The following CFHR4 variants were observed in gnomAD, a reference collection of about 807,000 sequenced individuals.
CFHR4 encodes complement factor H related 4, also known as complement factor H-related protein 4.
A neutral mutation model predicts 69.3 loss-of-function variants in CFHR4; 64 were observed. That is an observed-to-expected ratio of 0.92 (90% CI 0.76 to 1.14). The LOEUF (loss-of-function observed/expected upper bound fraction) is 1.14. CFHR4 is among the 50% of genes most tolerant of loss of function. CFHR4 has a pLI of 0.00. For missense variants in CFHR4, 636 were observed against 684.9 expected, an observed-to-expected ratio of 0.93 and a Z score of 0.80; for synonymous variants, 244 against 237.0, an observed-to-expected ratio of 1.03 and a Z score of -0.27.
chr1:196,888,732 T>C (rs1656864186), intron 1 of CFHR4, among the ~76,000 whole-genome samples: 1 of 151,398 alleles, frequency 6.6e-6, no homozygotes, highest in African/African-American at 2.4e-5. Context: ...AATTTAATAT[T>C]TCAACAAGAT....
chr1:196,894,901 C>CAACAACAAT (rs1327445887), intron 1 of CFHR4, among the ~76,000 whole-genome samples: 3 of 150,722 alleles, frequency 2.0e-5, no homozygotes, highest in African/African-American at 7.4e-5. Context: ...ACAACAACAA[C>CAACAACAAT]AACAACAAAT....
chr1:196,908,965 TTATG>T (rs1658080787), intron 5 of CFHR4, among the ~76,000 whole-genome samples: 1 of 151,568 alleles, frequency 6.6e-6, no homozygotes, highest in South Asian at 2.1e-4. Flanking sequence ...TTGTCCCTAT[TTATG>T]TATCCACTTC....
Position 196,907,447 on chromosome 1 carries a change from A to C in CFHR4, c.748A>C (p.Lys250Gln), listed in dbSNP as rs1423004785. The C allele has an allele frequency of 2.5e-6, 4 of 1,612,252 alleles. No homozygotes were observed. Among genetic ancestry groups the C allele is most frequent in the Non-Finnish European group, 3.4e-6 (4 of 1,179,186 alleles). The stretch of plus-strand genomic sequence containing the variant: ...GTCCTACTATGAACTTCAGGGTTCT[A>C]AATATGTAACATGTAGTAATGGAGA... ...CQSYYELQGS[K>Q]YVTCSNGDWS... Residue 250 changes from lysine (K) to glutamine (Q), a missense_variant, in exon 5 of 10, where the codon AAA becomes CAA. By Grantham distance (53) the Lys-to-Gln change is moderately conservative. Coordinates refer to ENST00000608469, the MANE Select transcript of CFHR4 (RefSeq NM_001201550.3).
chr1:196,892,403 T>C (rs1373035287), intron 1 of CFHR4, among the ~76,000 whole-genome samples: 2 of 151,686 alleles, frequency 1.3e-5, no homozygotes, highest in East Asian at 3.9e-4. Context: ...CAGGGTTTTT[T>C]TGTGCCTGTT....
chr1:196,907,464 T>C lies in CFHR4; in HGVS notation c.765T>C (p.Ser255=). The C allele has an allele frequency of 3.7e-6, 6 of 1,612,058 alleles. 1 individual carries two copies. Among genetic ancestry groups the C allele is most frequent in the Non-Finnish European group, 5.1e-6 (6 of 1,179,050 alleles). The stretch of plus-strand genomic sequence containing the variant: ...AGGGTTCTAAATATGTAACATGTAG[T>C]AATGGAGACTGGTCAGAACCACCAA... ...ELQGSKYVTC[S]NGDWSEPPRC... The change falls in exon 5 of 10, where the codon AGT becomes AGC. Residue 255 remains serine, a synonymous_variant. Transcript: ENST00000608469.
chr1:196,906,514 A>G (rs1036945943), intron 3 of CFHR4, among the ~76,000 whole-genome samples: 1 of 151,616 alleles, frequency 6.6e-6, no homozygotes, highest in African/African-American at 2.4e-5. Context: ...TAACTTTTAA[A>G]TTCACAAAAT....
At chr1:196,904,083 G>C (rs1432638718) in intron 2 of CFHR4, among the ~76,000 whole-genome samples, 1 of 151,584 alleles carries the variant, frequency 6.6e-6, no homozygotes, top group Non-Finnish European at 1.5e-5. Flanking sequence ...ATTCATAGAA[G>C]CACTGCCCTC....
Position 196,905,089 on chromosome 1 carries a change from T to C in CFHR4, c.257-19T>C. 6.4e-7 allele frequency: 1 copy of C among 1,569,224 alleles called. No individual in the cohort carries two copies. Among genetic ancestry groups the C allele is most frequent in the Admixed American group, 1.9e-5 (1 of 53,908 alleles). On this transcript the variant is annotated intron_variant, in intron 2 of 9. Coordinates refer to ENST00000608469, the MANE Select transcript of CFHR4 (RefSeq NM_001201550.3). Reference sequence around the variant, plus strand: ...TATTCAACAAATATTTACTTTTTTCTCTACTTTTTCTATTTTAGGAACATG... The same window carrying C: ...TATTCAACAAATATTTACTTTTTTCCCTACTTTTTCTATTTTAGGAACATG...
chr1:196,892,329 T>C (rs965113025), intron 1 of CFHR4, among the ~76,000 whole-genome samples: 3 of 151,470 alleles, frequency 2.0e-5, no homozygotes, highest in African/African-American at 7.3e-5. Flanking sequence ...ATCAGGAAAT[T>C]AGTTATGGTT....
intron 5 of CFHR4, 84 bp downstream of exon 5, chr1:196,907,582 A>G: frequency 8.9e-7 from 1 of 1,129,052 alleles, no homozygotes. Flanking sequence ...TTTATGGGTT[A>G]TTACCCTAGA....
At chr1:196,910,564 T>C (rs1022847874) in intron 6 of CFHR4, 86 bp downstream of exon 6, 1 of 1,142,188 alleles carries the variant, frequency 8.8e-7, no homozygotes, top group Admixed American at 1.9e-5. Context: ...CATTGTCTTA[T>C]ATGACAGAGA....
chr1:196,916,456 C>T (rs556771004), intron 9 of CFHR4, among the ~76,000 whole-genome samples: 2 of 152,002 alleles, frequency 1.3e-5, no homozygotes, highest in East Asian at 3.9e-4. Flanking sequence ...TGCTATGCTA[C>T]CTTTTACCTT....
intron 6 of CFHR4, among the ~76,000 whole-genome samples, chr1:196,911,813 T>G (rs190685949): frequency 6.6e-6 from 1 of 151,488 alleles, no homozygotes; most frequent in East Asian, 1.9e-4. Flanking sequence ...AAGCACTTTA[T>G]AGGTATTGAA....
At chr1:196,907,523 G>T in intron 5 of CFHR4, 25 bp downstream of exon 5, 1 of 1,561,180 alleles carries the variant, frequency 6.4e-7, no homozygotes, top group Non-Finnish European at 8.8e-7. Flanking sequence ...TTCTGGATCT[G>T]AGAAAATTAG....
In CFHR4 at chr1:196,914,578, G is replaced by A. The variant is rs375415067; in HGVS notation, c.1264G>A (p.Glu422Lys). The A allele has an allele frequency of 1.5e-5, 24 of 1,611,596 alleles. No individual in the cohort carries two copies. The highest frequency in any genetic ancestry group is 4.0e-5 in the African/African-American group (3 of 74,350). ...RFKLHDTLDYECYDGYEISYG... is the reference protein window; with the variant it reads ...RFKLHDTLDYKCYDGYEISYG... The stretch of plus-strand genomic sequence containing the variant: ...TAAGCTCCATGACACATTGGACTAC[G>A]AATGCTACGATGGATATGAAATCAG... Residue 422 changes from glutamate (E) to lysine (K), a missense_variant, in exon 8 of 10, where the codon GAA becomes AAA. Physicochemically the swap from Glu to Lys is moderately conservative, Grantham distance 56. Transcript: ENST00000608469.
intron 1 of CFHR4, among the ~76,000 whole-genome samples, 155 bp downstream of exon 1, chr1:196,888,363 T>G (rs1483598308): frequency 6.7e-6 from 1 of 150,346 alleles, no homozygotes; most frequent in Non-Finnish European, 1.5e-5. Context: ...TAACAGAAAT[T>G]AATTTTATGA....
At chr1:196,889,362 T>A (rs983548211) in intron 1 of CFHR4, among the ~76,000 whole-genome samples, 3 of 151,568 alleles carry the variant, frequency 2.0e-5, no homozygotes, top group Non-Finnish European at 2.9e-5. Context: ...GCACATTTTT[T>A]AAAATAAGGA....
At chr1:196,893,795 T>C (rs1326500979) in intron 1 of CFHR4, among the ~76,000 whole-genome samples, 3 of 151,658 alleles carry the variant, frequency 2.0e-5, no homozygotes, top group Non-Finnish European at 4.4e-5. Context: ...TGCTTGTTAT[T>C]TGGGAATAAC....
chr1:196,888,346 G>T, intron 1 of CFHR4, 138 bp downstream of exon 1: 1 of 776,072 alleles, frequency 1.3e-6, no homozygotes, highest in South Asian at 1.9e-5. Flanking sequence ...CATATTTTGT[G>T]AGAGTATAAC....
Sources: gnomAD v4.1 joint callset for allele counts (sites outside exome capture counted in the v4.1 genomes callset) on GRCh38, gnomAD v4.1.1 for gene constraint, MANE v1.5 for transcripts, NCBI Gene and HGNC (gene_info 2026-07-23, HGNC 2026-07-21) for gene names.